The following IDO2 variants were observed in gnomAD, a reference collection of about 807,000 sequenced individuals.
The protein encoded by IDO2 is indoleamine 2,3-dioxygenase-like 1 protein.
In IDO2, 46 loss-of-function variants were observed where a neutral mutation model predicts 45.1. That is an observed-to-expected ratio of 1.02 (90% CI 0.80 to 1.30). The LOEUF (loss-of-function observed/expected upper bound fraction) is 1.30. Among genes scored for constraint, IDO2 ranks in the 50% most tolerant of loss-of-function variants. The pLI is 0.00. For synonymous variants in IDO2, 218 were observed against 184.9 expected (o/e 1.18, Z -1.45); for missense variants, 544 against 491.8 (o/e 1.11, Z -1.00).
At chr8:39,967,714 C>T (rs1808110592) in intron 3 of IDO2, among the ~76,000 whole-genome samples, 1 of 152,184 alleles carries the variant, frequency 6.6e-6, no homozygotes, top group Non-Finnish European at 1.5e-5. Flanking sequence ...TCTCAAACTC[C>T]TGACCTCAGG....
At chr8:39,987,682 T>C (rs1335537747) in intron 6 of IDO2, 189 bp from the exon 7 acceptor site, 3 of 536,758 alleles carry the variant, frequency 5.6e-6, no homozygotes, top group African/African-American at 3.8e-5. Flanking sequence ...GAAATTGAAC[T>C]TATCTGTTCT....
At chr8:39,967,449 A>T (rs559746601) in intron 3 of IDO2, among the ~76,000 whole-genome samples, 1 of 152,372 alleles carries the variant, frequency 6.6e-6, no homozygotes, top group South Asian at 2.1e-4. Context: ...GAGTAAATAC[A>T]TACGACTGTT....
At chr8:39,964,770 T>G (rs2129593878) in intron 3 of IDO2, among the ~76,000 whole-genome samples, 1 of 152,300 alleles carries the variant, frequency 6.6e-6, no homozygotes, top group East Asian at 1.9e-4. Flanking sequence ...AGAAAAAAAC[T>G]ATCTGTAAAC....
intron 8 of IDO2, among the ~76,000 whole-genome samples, chr8:39,992,386 G>A (rs904503720): frequency 2.6e-5 from 4 of 152,160 alleles, no homozygotes; most frequent in Non-Finnish European, 5.9e-5. Flanking sequence ...GAGTGAAGGT[G>A]CCCTCAGATG....
chr8:39,947,209 TA>T (rs1807748625), intron 1 of IDO2, among the ~76,000 whole-genome samples: 1 of 150,448 alleles, frequency 6.6e-6, no homozygotes, highest in East Asian at 1.9e-4. Context: ...GTAGAGTGTT[TA>T]ATTAAATAAT....
intron 2 of IDO2, among the ~76,000 whole-genome samples, chr8:39,950,359 C>T (rs1481928213): frequency 2.6e-5 from 4 of 152,072 alleles, no homozygotes; most frequent in Non-Finnish European, 5.9e-5. Flanking sequence ...TGGTGAAACC[C>T]CGTCTCTACT....
At chr8:39,941,094 G>T (rs13272828) in intron 1 of IDO2, among the ~76,000 whole-genome samples, 52,999 of 150,802 alleles carry the variant, frequency 0.35, 11,365 homozygotes, top group Non-Finnish European at 0.48. Flanking sequence ...TGGTGGCAGG[G>T]GCCCGTAATC....
intron 9 of IDO2, among the ~76,000 whole-genome samples, chr8:40,010,299 G>A (rs755799675): frequency 2.6e-5 from 4 of 152,220 alleles, no homozygotes; most frequent in East Asian, 1.9e-4. Context: ...AGGTGGGAGC[G>A]TGTTGGTCGT....
intron 5 of IDO2, 22 bp from the exon 6 acceptor site, chr8:39,985,486 T>A: frequency 6.4e-7 from 1 of 1,555,898 alleles, no homozygotes; most frequent in Non-Finnish European, 8.7e-7. Context: ...TTGGTGGTCA[T>A]CAATAACTGA....
At chr8:39,960,087 C>A (rs1461664004) in intron 2 of IDO2, among the ~76,000 whole-genome samples, 5 of 152,290 alleles carry the variant, frequency 3.3e-5, no homozygotes, top group Middle Eastern at 3.4e-3. Flanking sequence ...GGACTGAAGA[C>A]TTCCAAGTGA....
chr8:39,935,046 G>T lies in IDO2; in HGVS notation c.-190G>T. On this transcript the variant is annotated 5_prime_UTR_variant, in exon 1 of 11. It introduces an in-frame stop codon into an upstream open reading frame of the 5' UTR. Transcript: ENST00000502986. ...CCAGTTGAAACATCCTCCTACACTGGAGCTTTATAAATATTTTAAAGACAA... is the reference window on the plus strand; with the variant it reads ...CCAGTTGAAACATCCTCCTACACTGTAGCTTTATAAATATTTTAAAGACAA... 1.3e-6 allele frequency: 1 copy of T among 797,132 alleles called. No individual in the cohort carries two copies. 49.4% of individuals were successfully genotyped at this position (797,132 alleles called of 1,614,324 possible).
intron 3 of IDO2, among the ~76,000 whole-genome samples, chr8:39,976,667 G>A (rs748096759): frequency 2.6e-5 from 4 of 152,142 alleles, no homozygotes; most frequent in East Asian, 1.9e-4. Context: ...CAATGGTTCC[G>A]AGAAGCTCCT....
At chr8:39,974,927 A>AAAAAC (rs200763763) in intron 3 of IDO2, among the ~76,000 whole-genome samples, 1,542 of 151,406 alleles carry the variant, frequency 0.01, 117 homozygotes, top group Admixed American at 0.092. Flanking sequence ...GACTCCGTCT[A>AAAAAC]AAAACAAAAC....
chr8:39,958,386 A>G (rs2129593666), intron 2 of IDO2, among the ~76,000 whole-genome samples: 1 of 151,264 alleles, frequency 6.6e-6, no homozygotes. Context: ...GATGCCTGCT[A>G]CCACACCCAG....
intron 1 of IDO2, among the ~76,000 whole-genome samples, chr8:39,939,546 C>CAAAAAAAAAAAAAAAAAAA (rs55892879): frequency 1.4e-5 from 1 of 71,268 alleles, no homozygotes; most frequent in Non-Finnish European, 2.4e-5. Flanking sequence ...GACTCTGTCT[C>CAAAAAAAAAAAAAAAAAAA]AAAAAAAAAA....
chr8:39,937,524 C>CT (rs72104971), intron 1 of IDO2, among the ~76,000 whole-genome samples: 37,701 of 143,810 alleles, frequency 0.26, 5,014 homozygotes, highest in African/African-American at 0.35. Context: ...AAAATATCTT[C>CT]TTTTTTTTTT....
chr8:40,007,324 G>A (rs149921970), intron 9 of IDO2, among the ~76,000 whole-genome samples: 2 of 152,092 alleles, frequency 1.3e-5, no homozygotes, highest in African/African-American at 4.8e-5. Context: ...TCCAGATTGG[G>A]TGTGTTTGAC....
intron 8 of IDO2, among the ~76,000 whole-genome samples, chr8:40,003,388 A>G (rs1295859005): frequency 4.2e-5 from 3 of 71,464 alleles, no homozygotes; most frequent in African/African-American, 9.0e-5. Context: ...AAAAAAAAAA[A>G]AAAGAAAACG....
At chr8:40,013,531 C>T in intron 9 of IDO2, 34 bp from the exon 10 acceptor site, 1 of 1,595,592 alleles carries the variant, frequency 6.3e-7, no homozygotes, top group Non-Finnish European at 8.6e-7. Flanking sequence ...CCTCCCTGCA[C>T]CCCTTTCATC....
Sources: allele counts gnomAD v4.1 joint callset (sites outside exome capture counted in the v4.1 genomes callset), GRCh38; gene constraint gnomAD v4.1.1; transcripts MANE v1.5; gene names NCBI Gene and HGNC (gene_info 2026-07-23, HGNC 2026-07-21).